CACNA1D: variants seen among roughly 807,000 people sequenced by gnomAD.
CACNA1D encodes calcium voltage-gated channel subunit alpha1 D.
In CACNA1D, 55 loss-of-function variants were observed where a neutral mutation model predicts 257.1. The observed-to-expected ratio is 0.21, with a 90% confidence interval of 0.17 to 0.27. CACNA1D has a LOEUF of 0.27. Ranked by LOEUF, CACNA1D falls within the 10% of genes least tolerant of loss-of-function variation. The pLI, the probability that CACNA1D is intolerant of heterozygous loss-of-function variation, is 1.00. For missense variants in CACNA1D, 1,876 were observed against 2,784.0 expected, an observed-to-expected ratio of 0.67 and a Z score of 7.34; for synonymous variants, 980 against 1,014.9, an observed-to-expected ratio of 0.97 and a Z score of 0.65.
At chr3:53,806,884 G>A (rs1257423347) in intron 45 of CACNA1D, among the ~76,000 whole-genome samples, 2 of 152,108 alleles carry the variant, frequency 1.3e-5, no homozygotes, top group Non-Finnish European at 2.9e-5. Context: ...TCGCCCTTGT[G>A]AGTTCCACTG....
At chr3:53,649,846 T>A (rs899830182) in intron 3 of CACNA1D, among the ~76,000 whole-genome samples, 1 of 152,238 alleles carries the variant, frequency 6.6e-6, no homozygotes, top group African/African-American at 2.4e-5. Flanking sequence ...ATTACACACA[T>A]CTCTGTTGGT....
At chr3:53,540,851 C>T (rs1451324196) in intron 3 of CACNA1D, among the ~76,000 whole-genome samples, 1 of 152,140 alleles carries the variant, frequency 6.6e-6, no homozygotes, top group Admixed American at 6.5e-5. Flanking sequence ...AAGCGATTCT[C>T]TGGCCTCAGC....
intron 18 of CACNA1D, 60 bp from the exon 19 acceptor site, chr3:53,732,755 T>C: frequency 6.7e-7 from 1 of 1,495,692 alleles, no homozygotes; most frequent in Non-Finnish European, 9.3e-7. Context: ...AAATTAAGAA[T>C]AATTCAAACC....
intron 8 of CACNA1D, among the ~76,000 whole-genome samples, chr3:53,682,368 A>AAAAAAAAAAAAAC: frequency 4.9e-5 from 4 of 81,426 alleles, no homozygotes; most frequent in Non-Finnish European, 7.4e-5. Flanking sequence ...TCTCTGGTAA[A>AAAAAAAAAAAAAC]AAAAAAAAAA....
chr3:53,684,540 T>C (rs1039791630), intron 8 of CACNA1D, among the ~76,000 whole-genome samples: 3 of 149,786 alleles, frequency 2.0e-5, no homozygotes, highest in African/African-American at 7.4e-5. Context: ...GGAGAATCGC[T>C]TGAACCTGGG....
At chr3:53,714,129 C>T (rs1010407449) in intron 9 of CACNA1D, among the ~76,000 whole-genome samples, 1 of 152,202 alleles carries the variant, frequency 6.6e-6, no homozygotes, top group Non-Finnish European at 1.5e-5. Context: ...AAATAAACTT[C>T]TCTAACAAAG....
chr3:53,718,506 G>T (rs1243497317), intron 10 of CACNA1D, 118 bp downstream of exon 10: 1 of 1,089,284 alleles, frequency 9.2e-7, no homozygotes, highest in East Asian at 2.5e-5. Context: ...TGTGGCGGGT[G>T]GGAAGGCTCC....
In CACNA1D at chr3:53,512,527, T is replaced by G. The variant is rs80351286; in HGVS notation, c.483+10807T>G. Among the ~76,000 whole-genome samples the G allele has an allele frequency of 4.5e-3, 684 of 152,332 alleles. 2 individuals are homozygous for G. The highest frequency in any genetic ancestry group is 7.8e-3 in the Non-Finnish European group (530 of 68,026). The stretch of plus-strand genomic sequence containing the variant: ...GGAGAGGACATCAGAAACCTCCATA[T>G]GGGTCTGTTCCTTTTTCAGACCCGC... On this transcript the variant is annotated intron_variant, in intron 3 of 47. Coordinates refer to ENST00000350061, the MANE Select transcript of CACNA1D (RefSeq NM_001128840.3).
intron 9 of CACNA1D, 104 bp downstream of exon 9, chr3:53,702,914 G>A: frequency 8.0e-7 from 1 of 1,244,762 alleles, no homozygotes; most frequent in Non-Finnish European, 1.2e-6. Flanking sequence ...GAGTGGGACA[G>A]CCTCCTCCCA....
At chr3:53,680,328 T>C (rs1329179261) in intron 8 of CACNA1D, among the ~76,000 whole-genome samples, 1 of 151,868 alleles carries the variant, frequency 6.6e-6, no homozygotes, top group Non-Finnish European at 1.5e-5. Flanking sequence ...GTGGCTATCA[T>C]CTGTTCCTGA....
At chr3:53,753,533 C>G (rs1423134987) in intron 28 of CACNA1D, 39 bp from the exon 29 acceptor site, 1 of 1,320,558 alleles carries the variant, frequency 7.6e-7, no homozygotes, top group Admixed American at 1.7e-5. Context: ...GAGATCGTGG[C>G]TGAGGCTCTG....
chr3:53,515,451 T>A (rs1027359417), intron 3 of CACNA1D, among the ~76,000 whole-genome samples: 4 of 152,146 alleles, frequency 2.6e-5, no homozygotes, highest in East Asian at 1.9e-4. Context: ...CATCATAGGG[T>A]CTGATTTTTA....
At chr3:53,650,755 A>G (rs2094081976) in intron 3 of CACNA1D, 24 bp from the exon 4 acceptor site, 1 of 1,612,606 alleles carries the variant, frequency 6.2e-7, no homozygotes, top group South Asian at 1.1e-5. Flanking sequence ...CTTTTTTGGT[A>G]TGTTTCTTTG....
At chr3:53,634,916 G>T (rs1443990064) in intron 3 of CACNA1D, among the ~76,000 whole-genome samples, 1 of 152,232 alleles carries the variant, frequency 6.6e-6, no homozygotes, top group East Asian at 1.9e-4. Context: ...AGGCAGTCTT[G>T]GGCTTCCTTA....
Position 53,719,148 on chromosome 3 carries a change from T to G in CACNA1D, c.1479-607T>G, listed in dbSNP as rs540526348. On this transcript the variant is annotated intron_variant, in intron 10 of 47. Coordinates refer to ENST00000350061, the MANE Select transcript of CACNA1D (RefSeq NM_001128840.3). ...TCCTTCAGGTCTTATCTCTGTAAAG[T>G]GCAGGTGTCATTTTTAAGAGAACTC... Among the ~76,000 whole-genome samples the G allele has an allele frequency of 2.0e-5, 3 of 152,316 alleles. No homozygotes were observed. In the East Asian group the frequency reaches 5.8e-4, roughly 29 times the overall value.
In CACNA1D at chr3:53,619,372, G is replaced by A. The variant is rs192253831; in HGVS notation, c.484-31407G>A. On this transcript the variant is annotated intron_variant, in intron 3 of 47. Coordinates refer to ENST00000350061, the MANE Select transcript of CACNA1D (RefSeq NM_001128840.3). ...TCCTCTGTGAAGATCATAGGTTCAG[G>A]TTATTTCTTTGAATTAATTGGCTAA... 2.2e-3 allele frequency among the ~76,000 whole-genome samples: 333 copies of A among 152,290 alleles called. 5 individuals carry two copies. Among genetic ancestry groups the A allele is most frequent in the African/African-American group, 7.7e-3 (321 of 41,540 alleles).
At chr3:53,653,126 C>T (rs1419991958) in intron 4 of CACNA1D, among the ~76,000 whole-genome samples, 1 of 152,182 alleles carries the variant, frequency 6.6e-6, no homozygotes, top group Non-Finnish European at 1.5e-5. Context: ...TGGCGCATGC[C>T]TGTAATCCCG....
rs182641534 is a variant in CACNA1D at position 53,665,254 on chromosome 3, A to G, written c.767-406A>G. Among the ~76,000 whole-genome samples, 4 of 152,308 alleles carry G rather than the reference A, an allele frequency of 2.6e-5. No individual in the cohort carries two copies. In the East Asian group the frequency reaches 7.7e-4, roughly 29 times the overall value. On this transcript the variant is annotated intron_variant, in intron 5 of 47. Transcript: ENST00000350061. ...GGTAGAGTTATTTGTGTTTAATTCTATGTCTCCTAGAATATAATTTTTTGA... is the reference window on the plus strand; with the variant it reads ...GGTAGAGTTATTTGTGTTTAATTCTGTGTCTCCTAGAATATAATTTTTTGA...
At chr3:53,769,860 G>A in intron 30 of CACNA1D, 113 bp from the exon 31 acceptor site, 1 of 843,624 alleles carries the variant, frequency 1.2e-6, no homozygotes, top group Non-Finnish European at 2.1e-6. Flanking sequence ...GAGGGAGCAG[G>A]TGTGGTGTCT....
Sources: allele counts gnomAD v4.1 joint callset (sites outside exome capture counted in the v4.1 genomes callset), GRCh38; gene constraint gnomAD v4.1.1; transcripts MANE v1.5; gene names NCBI Gene and HGNC (gene_info 2026-07-23, HGNC 2026-07-21).